Variants in MEF2D observed in about 807,000 individuals in gnomAD.
MEF2D encodes myocyte-specific enhancer factor 2D.
MEF2D carries 10 observed loss-of-function variants against 59.3 expected under a neutral mutation model. The observed-to-expected ratio is 0.17, with a 90% CI of 0.10 to 0.29. The LOEUF is 0.29. Ranked by LOEUF, MEF2D falls within the 10% of genes least tolerant of loss-of-function variation. The pLI, the probability that MEF2D is intolerant of heterozygous loss-of-function variation, is 1.00. For synonymous variants in MEF2D, 305 were observed against 295.0 expected, an observed-to-expected ratio of 1.03 and a Z score of -0.35; for missense variants, 508 against 699.4, an observed-to-expected ratio of 0.73 and a Z score of 3.09.
chr1:156,469,762 T>C (rs1317654947), intron 9 of MEF2D, among the ~76,000 whole-genome samples: 1 of 152,020 alleles, frequency 6.6e-6, no homozygotes, highest in Non-Finnish European at 1.5e-5. Flanking sequence ...TGGGGTGCAC[T>C]GTAGTTCCAG....
rs61752715 is a variant in MEF2D at position 156,479,336 on chromosome 1, C to T, written c.618G>A (p.Leu206=). ...CGTTAGCACTGTTCAGGTCACCCCC[C>T]AGCATGGCCCCTGGAGGAAAAACAG... ...PQRPASAGAM[L]GGDLNSANGA... is the part of the protein sequence containing the mutation. Residue 206 remains leucine, a synonymous_variant, in exon 6 of 12, where the codon CTG becomes CTA. Coordinates refer to ENST00000348159, the MANE Select transcript of MEF2D (RefSeq NM_005920.4). The T allele has an allele frequency of 1.9e-6, 3 of 1,612,952 alleles. No individual in the cohort carries two copies. The highest frequency in any genetic ancestry group is 1.1e-5 in the South Asian group (1 of 90,816).
At chr1:156,492,057 G>C (rs1029231828) in intron 1 of MEF2D, among the ~76,000 whole-genome samples, 1 of 152,258 alleles carries the variant, frequency 6.6e-6, no homozygotes, top group African/African-American at 2.4e-5. Flanking sequence ...AAATCACGAG[G>C]AATAAGCAAG....
chr1:156,479,392 C>T, intron 5 of MEF2D, 46 bp from the exon 6 acceptor site: 1 of 1,592,348 alleles, frequency 6.3e-7, no homozygotes, highest in Non-Finnish European at 8.6e-7. Context: ...ACTCCCGCTT[C>T]AAGAGTGAGT....
Position 156,482,641 on chromosome 1 carries a change from C to CT in MEF2D, c.55-2dup. On this transcript the variant is annotated splice_acceptor_variant, in intron 2 of 11. Coordinates refer to ENST00000348159, the MANE Select transcript of MEF2D (RefSeq NM_005920.4). LOFTEE classifies it high-confidence loss of function. ...CAAACTTCCGCTTGGTGAAAGTCAC[C>CT]TGCAGAGAAGGATGGGTGGGCGGCC... The CT allele has an allele frequency of 6.2e-7, 1 of 1,614,230 alleles. No homozygotes were observed. Among genetic ancestry groups the CT allele is most frequent in the Non-Finnish European group, 8.5e-7 (1 of 1,180,036 alleles).
At chr1:156,479,853 C>T (rs1671875088) in intron 4 of MEF2D, 57 bp from the exon 5 acceptor site, 1 of 1,500,896 alleles carries the variant, frequency 6.7e-7, no homozygotes, top group Admixed American at 2.1e-5. Context: ...CCATGGAGTC[C>T]ACTTTTCCTG....
intron 1 of MEF2D, among the ~76,000 whole-genome samples, chr1:156,493,518 A>G (rs924614700): frequency 6.6e-6 from 1 of 150,430 alleles, no homozygotes; most frequent in African/African-American, 2.4e-5. Context: ...TGCTTTCAGG[A>G]AAGGTGCCAG....
chr1:156,482,336 G>A (rs1182467657), intron 3 of MEF2D, 101 bp downstream of exon 3: 29 of 1,204,030 alleles, frequency 2.4e-5, no homozygotes, highest in Non-Finnish European at 3.5e-5. Flanking sequence ...ATGTATACCA[G>A]TGTGTGTGCA....
chr1:156,495,125 A>C (rs1324870019), intron 1 of MEF2D, among the ~76,000 whole-genome samples: 1 of 151,672 alleles, frequency 6.6e-6, no homozygotes, highest in Non-Finnish European at 1.5e-5. Context: ...TCTCCATGAC[A>C]CTCAAGTCAA....
At chr1:156,473,931 C>T (rs1671404021) in intron 9 of MEF2D, among the ~76,000 whole-genome samples, 1 of 152,170 alleles carries the variant, frequency 6.6e-6, no homozygotes, top group African/African-American at 2.4e-5. Flanking sequence ...GCAAACTGAC[C>T]CTGACTGTGC....
chr1:156,479,266 A>C, intron 6 of MEF2D, 24 bp downstream of exon 6: 1 of 1,596,324 alleles, frequency 6.3e-7, no homozygotes. Context: ...CCCCACCTCC[A>C]GGTAGAAGGA....
At chr1:156,474,489 G>A (rs1451653314) in intron 9 of MEF2D, among the ~76,000 whole-genome samples, 1 of 152,176 alleles carries the variant, frequency 6.6e-6, no homozygotes, top group East Asian at 1.9e-4. Flanking sequence ...AGTTAAATTT[G>A]AATTTCAGAT....
intron 4 of MEF2D, among the ~76,000 whole-genome samples, chr1:156,480,022 GC>G (rs1392113033): frequency 6.6e-6 from 1 of 152,128 alleles, no homozygotes; most frequent in Non-Finnish European, 1.5e-5. Context: ...TCCATTTCTG[GC>G]CCACAGAATG....
chr1:156,475,101 CACT>C lies in MEF2D; in HGVS notation c.1006+4_1006+6del. On this transcript the variant is annotated splice_donor_5th_base_variant and intron_variant, in intron 9 of 11. Transcript: ENST00000348159. ...TGCACACATGCACATGTCACATGAA[CACT>C]CACCTGTGTTGTAGGCAGTGGGCAT... 1 of 1,614,170 alleles carries C rather than the reference CACT, an allele frequency of 6.2e-7. No homozygotes were observed. Among genetic ancestry groups the C allele is most frequent in the Non-Finnish European group, 8.5e-7 (1 of 1,179,996 alleles).
chr1:156,486,168 A>G (rs1472360330), intron 1 of MEF2D, among the ~76,000 whole-genome samples: 1 of 152,128 alleles, frequency 6.6e-6, no homozygotes, highest in Non-Finnish European at 1.5e-5. Flanking sequence ...CAGCCCAGCC[A>G]GCCCTGAGTG....
intron 1 of MEF2D, among the ~76,000 whole-genome samples, chr1:156,485,389 A>C (rs1431152124): frequency 6.6e-6 from 1 of 152,140 alleles, no homozygotes; most frequent in Non-Finnish European, 1.5e-5. Context: ...AGGAGCTGGG[A>C]TACTGGCCCC....
At chr1:156,476,666 C>A in intron 7 of MEF2D, 152 bp from the exon 8 acceptor site, 1 of 904,826 alleles carries the variant, frequency 1.1e-6, no homozygotes, top group South Asian at 1.5e-5. Context: ...ACCGTCCTGA[C>A]TCATTTCCAG....
In MEF2D at chr1:156,475,242, A is replaced by T. The variant is rs1482811253; in HGVS notation, c.877-5T>A. ...CCCAAGGCGCTGGGCATTGTTCTGTAGGAGAAAACTGTCCGTCAGGAGGTG... is the reference window on the plus strand; with the variant it reads ...CCCAAGGCGCTGGGCATTGTTCTGTTGGAGAAAACTGTCCGTCAGGAGGTG... On this transcript the variant is annotated splice_region_variant and splice_polypyrimidine_tract_variant and intron_variant, in intron 8 of 11. Transcript: ENST00000348159. 2.5e-6 allele frequency: 4 copies of T among 1,597,052 alleles called. No homozygotes were observed. Among genetic ancestry groups the T allele is most frequent in the Non-Finnish European group, 3.4e-6 (4 of 1,170,928 alleles).
chr1:156,497,068 C>G (rs984032065), intron 1 of MEF2D, among the ~76,000 whole-genome samples: 3 of 152,230 alleles, frequency 2.0e-5, no homozygotes, highest in East Asian at 3.8e-4. Flanking sequence ...CTCTCCCCCC[C>G]AGCTTCCCCA....
chr1:156,499,910 C>T (rs1323393335), intron 1 of MEF2D, among the ~76,000 whole-genome samples: 3 of 152,020 alleles, frequency 2.0e-5, no homozygotes, highest in Non-Finnish European at 4.4e-5. Flanking sequence ...ACTCACACAC[C>T]CCAACCCACT....
Sources: gnomAD v4.1 joint callset for allele counts (sites outside exome capture counted in the v4.1 genomes callset) on GRCh38, gnomAD v4.1.1 for gene constraint, MANE v1.5 for transcripts, NCBI Gene and HGNC (gene_info 2026-07-23, HGNC 2026-07-21) for gene names.